The following FKTN variants were observed in gnomAD, a reference collection of about 807,000 sequenced individuals.
The protein encoded by FKTN is fukutin.
Under a neutral mutation model 58.6 loss-of-function variants are expected in FKTN, and 47 were observed. That is an observed-to-expected ratio of 0.80 (90% CI 0.63 to 1.02). The LOEUF (loss-of-function observed/expected upper bound fraction) is 1.02, where lower values mean the gene tolerates loss of function less well. FKTN is among the 50% of genes least tolerant of loss of function. FKTN has a pLI of 0.00. For synonymous variants in FKTN, 178 were observed against 191.9 expected, an observed-to-expected ratio of 0.93 and a Z score of 0.60; for missense variants, 516 against 537.3, an observed-to-expected ratio of 0.96 and a Z score of 0.39.
At chr9:105,617,318 C>A (rs910804617) in intron 8 of FKTN, among the ~76,000 whole-genome samples, 1 of 152,116 alleles carries the variant, frequency 6.6e-6, no homozygotes, top group African/African-American at 2.4e-5. Flanking sequence ...AGAGCACATA[C>A]GTGGTAAACA....
At position 105,618,165 on chromosome 9, in the gene FKTN, A is replaced by C. The variant is rs1831175947; in HGVS notation, c.1044+73A>C. The C allele has an allele frequency of 8.9e-6, 11 of 1,241,024 alleles. No individual in the cohort carries two copies. The South Asian group carries it at 1.3e-4, about 15-fold the overall frequency. 76.9% of individuals were successfully genotyped at this position (1,241,024 alleles called of 1,614,324 possible). ...GTAAAGTTTACATTAAGCAACTCAG[A>C]TATGGTTAAGAATGCTACATACATA... On this transcript the variant is annotated intron_variant, in intron 9 of 10. Coordinates refer to ENST00000357998, the MANE Select transcript of FKTN (RefSeq NM_001079802.2).
rs772722742 is a variant in FKTN, at chr9:105,602,586, C to T, written c.369+1238C>T. On this transcript the variant is annotated intron_variant, in intron 5 of 10. Transcript: ENST00000357998. Reference sequence around the variant, plus strand: ...GTTTTTGTTTTTTGAGACGGAGTCTCGCTGTGTCACCCAGGCTGGAGTGCA... The same window carrying T: ...GTTTTTGTTTTTTGAGACGGAGTCTTGCTGTGTCACCCAGGCTGGAGTGCA... Among the ~76,000 whole-genome samples, 9 of 152,314 alleles carry T rather than the reference C, an allele frequency of 5.9e-5. No individual in the cohort carries two copies. The East Asian group carries it at 7.7e-4, about 13-fold the overall frequency.
chr9:105,622,784 G>A (rs1029322212), intron 10 of FKTN, among the ~76,000 whole-genome samples: 1 of 151,988 alleles, frequency 6.6e-6, no homozygotes, highest in East Asian at 1.9e-4. Context: ...GTAAGTAGTA[G>A]CTACTGTCAG....
chr9:105,561,678 A>C (rs941282671), intron 1 of FKTN, among the ~76,000 whole-genome samples: 4 of 152,200 alleles, frequency 2.6e-5, no homozygotes, highest in African/African-American at 9.6e-5. Context: ...TTTATCTTCA[A>C]GTAACAGCAT....
intron 1 of FKTN, among the ~76,000 whole-genome samples, chr9:105,559,286 A>C (rs1589144212): frequency 6.6e-6 from 1 of 152,192 alleles, no homozygotes; most frequent in African/African-American, 2.4e-5. Flanking sequence ...GGGCCAGCTG[A>C]TCTCTCTTCT....
At chr9:105,630,855 T>C (rs2133385024) in intron 10 of FKTN, among the ~76,000 whole-genome samples, 1 of 152,276 alleles carries the variant, frequency 6.6e-6, no homozygotes, top group East Asian at 1.9e-4. Flanking sequence ...GAATCTAGGC[T>C]GGGCATGGTG....
rs1263074681 is a variant in FKTN at position 105,604,216 on chromosome 9, A to G, written c.371A>G (p.Glu124Gly). 6.2e-7 allele frequency: 1 copy of G among 1,612,218 alleles called. No homozygotes were observed. Among genetic ancestry groups the G allele is most frequent in the Non-Finnish European group, 8.5e-7 (1 of 1,179,986 alleles). Residue 124 changes from glutamate (E) to glycine (G), a missense_variant and splice_region_variant, in exon 6 of 11, where the codon GAA becomes GGA. Coordinates refer to ENST00000357998, the MANE Select transcript of FKTN (RefSeq NM_001079802.2). ...ALQYHLWKNEEGWFRIAENMG... is the reference protein window; with the variant it reads ...ALQYHLWKNEGGWFRIAENMG... ...TGTTTGATGCTTCTTTGGTTCTAGG[A>G]AGGCTGGTTTCGGATAGCTGAGAAT... is the stretch of plus-strand genomic sequence containing the variant.
chr9:105,623,396 T>C (rs1564339445), intron 10 of FKTN, among the ~76,000 whole-genome samples: 3 of 152,210 alleles, frequency 2.0e-5, no homozygotes, highest in Admixed American at 2.0e-4. Context: ...GACCTAGGTG[T>C]GTATCACTTC....
intron 10 of FKTN, 69 bp from the exon 11 acceptor site, chr9:105,634,982 A>C: frequency 8.1e-7 from 1 of 1,227,470 alleles, no homozygotes; most frequent in South Asian, 1.2e-5. Context: ...CCAATAATGC[A>C]CTAGCAGCTA....
intron 3 of FKTN, among the ~76,000 whole-genome samples, chr9:105,577,136 G>C (rs973879579): frequency 6.8e-6 from 1 of 147,810 alleles, no homozygotes; most frequent in Admixed American, 6.7e-5. Flanking sequence ...CACTCTGATG[G>C]TAGTTTCTTT....
At chr9:105,631,670 C>T (rs1286827406) in intron 10 of FKTN, among the ~76,000 whole-genome samples, 1 of 151,632 alleles carries the variant, frequency 6.6e-6, no homozygotes, top group African/African-American at 2.4e-5. Context: ...TGAAAAAATG[C>T]TCATCATCAC....
rs1554754678 is a variant in FKTN, at chr9:105,607,827, T to TA, written c.657dup (p.Gln220ThrfsTer6). On this transcript the variant is annotated frameshift_variant, in exon 7 of 11. Coordinates refer to ENST00000357998, the MANE Select transcript of FKTN (RefSeq NM_001079802.2). LOFTEE classifies it high-confidence loss of function. ...TTAACTTTTGTTTTCAGGCCAGAGT[T>TA]ACAGCAAGTTACTGTTGATGGACTG... 6.2e-7 allele frequency: 1 copy of TA among 1,613,144 alleles called. No individual in the cohort carries two copies.
intron 1 of FKTN, among the ~76,000 whole-genome samples, chr9:105,572,081 T>A (rs77325150): frequency 6.6e-6 from 1 of 152,194 alleles, no homozygotes; most frequent in Admixed American, 6.5e-5. Flanking sequence ...AATACCATCA[T>A]CAATGTTGAT....
intron 1 of FKTN, among the ~76,000 whole-genome samples, chr9:105,559,909 G>A (rs1837973091): frequency 6.6e-6 from 1 of 152,026 alleles, no homozygotes; most frequent in Admixed American, 6.6e-5. Context: ...AATTATTGAA[G>A]GAGGCATGTG....
At position 105,632,082 on chromosome 9, in the gene FKTN, G is replaced by C. The variant is rs867931193; in HGVS notation, c.1173-2969G>C. On this transcript the variant is annotated intron_variant, in intron 10 of 10. Transcript: ENST00000357998. ...GCACATATACACCATGGAATACTATGCAGCCATAAAAAAGGATGAGTTCAT... is the reference window on the plus strand; with the variant it reads ...GCACATATACACCATGGAATACTATCCAGCCATAAAAAAGGATGAGTTCAT... Among the ~76,000 whole-genome samples, 1,269 of 151,888 alleles carry C rather than the reference G, an allele frequency of 8.4e-3. 11 individuals carry two copies. Among genetic ancestry groups the C allele is most frequent in the Middle Eastern group, 0.024 (7 of 294 alleles).
At chr9:105,619,907 G>A (rs775692665) in intron 9 of FKTN, 27 bp from the exon 10 acceptor site, 2 of 1,597,784 alleles carry the variant, frequency 1.3e-6, no homozygotes, top group South Asian at 1.1e-5. Flanking sequence ...TTGTTTCAGT[G>A]TGTGAAGGTT....
At chr9:105,577,167 T>G (rs1317513521) in intron 3 of FKTN, among the ~76,000 whole-genome samples, 24 of 150,000 alleles carry the variant, frequency 1.6e-4, no homozygotes, top group East Asian at 1.9e-4. Context: ...AAGCTCTTTA[T>G]TTTAATTAGA....
intron 1 of FKTN, among the ~76,000 whole-genome samples, chr9:105,567,400 C>A (rs558552447): frequency 6.6e-6 from 1 of 152,158 alleles, no homozygotes; most frequent in Non-Finnish European, 1.5e-5. Flanking sequence ...TAGAAAACCC[C>A]ATTGTCTCAG....
At chr9:105,565,854 C>T (rs1377701693) in intron 1 of FKTN, among the ~76,000 whole-genome samples, 1 of 152,194 alleles carries the variant, frequency 6.6e-6, no homozygotes, top group African/African-American at 2.4e-5. Flanking sequence ...ACATTCTTCT[C>T]AGCACCACAC....
Sources: gnomAD v4.1 joint callset for allele counts (sites outside exome capture counted in the v4.1 genomes callset) on GRCh38, gnomAD v4.1.1 for gene constraint, MANE v1.5 for transcripts, NCBI Gene and HGNC (gene_info 2026-07-23, HGNC 2026-07-21) for gene names.